EDA: variants seen among roughly 807,000 people sequenced by gnomAD.
EDA encodes ectodysplasin A, also known as ectodysplasin-A.
Under a neutral mutation model 23.6 loss-of-function variants are expected in EDA, and 2 were observed. The ratio of observed to expected loss-of-function variants is 0.08; its 90% confidence interval spans 0.03 to 0.27. The LOEUF is 0.27. Among genes scored for constraint, EDA ranks in the 10% least tolerant of loss-of-function variants. EDA has a pLI of 1.00. For missense variants in EDA, 229 were observed against 324.2 expected (o/e 0.71, Z 2.26); for synonymous variants, 131 against 132.0 (o/e 0.99, Z 0.05).
intron 1 of EDA, among the ~76,000 whole-genome samples, chrX:69,643,313 G>C (rs1176175113): frequency 1.8e-5 from 2 of 109,730 alleles, no homozygotes; most frequent in Non-Finnish European, 3.8e-5. Context: ...ACATGTGCAG[G>C]ATGTGCAGAT....
chrX:69,660,477 G>A (rs1452444748), intron 1 of EDA, among the ~76,000 whole-genome samples: 1 of 109,715 alleles, frequency 9.1e-6, no homozygotes, highest in African/African-American at 3.3e-5. Flanking sequence ...ATCTCCTAAT[G>A]CTATCCCTCC....
chrX:69,700,239 G>A (rs1440628965), intron 1 of EDA, among the ~76,000 whole-genome samples: 1 of 111,321 alleles, frequency 9.0e-6, no homozygotes, highest in Admixed American at 9.6e-5. Context: ...GAGGTCATGA[G>A]CAAGGGCCTG....
At chrX:69,636,431 C>T (rs1026593285) in intron 1 of EDA, among the ~76,000 whole-genome samples, 1 of 110,190 alleles carries the variant, frequency 9.1e-6, no homozygotes, top group Non-Finnish European at 1.9e-5. Context: ...CCCAGTCTCA[C>T]AGTCTCAGGT....
intron 2 of EDA, among the ~76,000 whole-genome samples, chrX:69,977,936 T>C (rs2019340225): frequency 9.0e-6 from 1 of 111,021 alleles, no homozygotes; most frequent in African/African-American, 3.3e-5. Context: ...GCATCAGAAA[T>C]ATATCAGAAA....
intron 1 of EDA, among the ~76,000 whole-genome samples, chrX:69,835,726 G>A (rs1278796060): frequency 8.9e-6 from 1 of 111,900 alleles, no homozygotes; most frequent in Admixed American, 9.5e-5. Context: ...CAACTTGTCA[G>A]TCATTCTCCA....
chrX:69,703,648 G>A (rs192540310), intron 1 of EDA, among the ~76,000 whole-genome samples: 1 of 111,787 alleles, frequency 8.9e-6, no homozygotes, highest in Non-Finnish European at 1.9e-5. Context: ...CTGCTACGCA[G>A]TACCCTGACG....
intron 1 of EDA, among the ~76,000 whole-genome samples, chrX:69,755,728 A>G (rs973656155): frequency 3.6e-5 from 4 of 112,514 alleles, no homozygotes; most frequent in Non-Finnish European, 7.5e-5. Context: ...GGAGCTTCCC[A>G]GCAGCTTTGT....
intron 1 of EDA, among the ~76,000 whole-genome samples, chrX:69,752,051 A>G (rs946843660): frequency 1.8e-5 from 2 of 110,824 alleles, no homozygotes; most frequent in Admixed American, 1.9e-4. Context: ...CTCTTTTCCT[A>G]GTTGAATACC....
At chrX:69,751,990 G>A (rs913950637) in intron 1 of EDA, among the ~76,000 whole-genome samples, 1 of 110,864 alleles carries the variant, frequency 9.0e-6, no homozygotes, top group African/African-American at 3.3e-5. Flanking sequence ...CGACGATGGG[G>A]TTTTCTAGAT....
At chrX:69,670,628 CA>C (rs1166417042) in intron 1 of EDA, among the ~76,000 whole-genome samples, 3 of 103,450 alleles carry the variant, frequency 2.9e-5, no homozygotes, top group Admixed American at 1.1e-4. Context: ...TGAGTCATTT[CA>C]AAAAAAAAAC....
intron 2 of EDA, among the ~76,000 whole-genome samples, chrX:70,016,338 T>C (rs2019949330): frequency 9.0e-6 from 1 of 110,574 alleles, no homozygotes; most frequent in East Asian, 2.8e-4. Flanking sequence ...AGAAAACTAA[T>C]ATAGATATTT....
At chrX:69,665,519 C>T (rs190841093) in intron 1 of EDA, among the ~76,000 whole-genome samples, 1 of 111,228 alleles carries the variant, frequency 9.0e-6, no homozygotes, top group Non-Finnish European at 1.9e-5. Flanking sequence ...TTCTTTTGCA[C>T]GTGGAAATCC....
intron 1 of EDA, among the ~76,000 whole-genome samples, chrX:69,807,678 G>A (rs776561837): frequency 1.8e-5 from 2 of 108,995 alleles, no homozygotes; most frequent in Admixed American, 1.0e-4. Flanking sequence ...CAGCATCTTA[G>A]AGATCATCTG....
rs556165502 is a variant in EDA, at chrX:69,763,550, G to A, written c.396+146846G>A. ...ATGCCTACACAATGCTGCAACTGCC[G>A]CCTTATGTGACCTCAACTTTTGCAG... On this transcript the variant is annotated intron_variant, in intron 1 of 7. Transcript: ENST00000374552. Among the ~76,000 whole-genome samples the A allele has an allele frequency of 4.5e-5, 5 of 111,941 alleles. No homozygotes were observed. The East Asian group carries it at 1.1e-3, about 25-fold the overall frequency.
At chrX:69,981,775 G>C (rs2019411961) in intron 2 of EDA, among the ~76,000 whole-genome samples, 1 of 112,060 alleles carries the variant, frequency 8.9e-6, no homozygotes, top group Non-Finnish European at 1.9e-5. Context: ...TTATAGACAA[G>C]AAAACTATGG....
intron 1 of EDA, among the ~76,000 whole-genome samples, chrX:69,891,491 A>C (rs998277285): frequency 2.7e-5 from 3 of 112,118 alleles, no homozygotes; most frequent in Non-Finnish European, 5.6e-5. Context: ...TATTCACAAT[A>C]GCAAAGACAT....
chrX:69,630,003 A>G (rs1932513100), intron 1 of EDA, among the ~76,000 whole-genome samples: 1 of 111,372 alleles, frequency 9.0e-6, no homozygotes, highest in Admixed American at 9.5e-5. Flanking sequence ...TCTTGTTTGT[A>G]TTTTTAACAG....
At chrX:69,833,166 G>T (rs758191154) in intron 1 of EDA, among the ~76,000 whole-genome samples, 1 of 111,964 alleles carries the variant, frequency 8.9e-6, no homozygotes, top group South Asian at 3.7e-4. Flanking sequence ...GTATGATACT[G>T]GCTGTGGGTT....
intron 1 of EDA, among the ~76,000 whole-genome samples, chrX:69,683,002 A>G (rs1290592225): frequency 8.9e-6 from 1 of 111,818 alleles, no homozygotes; most frequent in African/African-American, 3.3e-5. Flanking sequence ...GGTTTGAATC[A>G]TAATTTCATT....
Sources: gnomAD v4.1 joint callset for allele counts (sites outside exome capture counted in the v4.1 genomes callset) on GRCh38, gnomAD v4.1.1 for gene constraint, MANE v1.5 for transcripts, NCBI Gene and HGNC (gene_info 2026-07-23, HGNC 2026-07-21) for gene names.